Variants in SCN9A observed in about 807,000 individuals in gnomAD.
SCN9A encodes the protein sodium channel protein type 9 subunit alpha.
A neutral mutation model predicts 187.0 loss-of-function variants in SCN9A; 131 were observed. That is an observed-to-expected ratio of 0.70 (90% CI 0.61 to 0.81). SCN9A has a LOEUF of 0.81. Among genes scored for constraint, SCN9A ranks in the 30% least tolerant of loss-of-function variants. The pLI is 0.00. For synonymous variants in SCN9A, 809 were observed against 808.6 expected, an observed-to-expected ratio of 1.00 and a Z score of -0.01; for missense variants, 2,252 against 2,396.6, an observed-to-expected ratio of 0.94 and a Z score of 1.26.
intron 10 of SCN9A, among the ~76,000 whole-genome samples, chr2:166,287,062 A>C (rs111320755): frequency 2.6e-5 from 4 of 152,294 alleles, no homozygotes; most frequent in African/African-American, 9.6e-5. Context: ...GAATTATTAA[A>C]GCATAATATT....
chr2:166,367,260 AT>A (rs565234556), intron 1 of SCN9A, among the ~76,000 whole-genome samples: 195 of 151,876 alleles, frequency 1.3e-3, no homozygotes, highest in African/African-American at 4.5e-3. Flanking sequence ...CATCCTAGAC[AT>A]TTTTTTAATT....
At chr2:166,238,851 C>T (rs1695436549) in intron 19 of SCN9A, among the ~76,000 whole-genome samples, 1 of 152,194 alleles carries the variant, frequency 6.6e-6, no homozygotes, top group Admixed American at 6.6e-5. Flanking sequence ...ATATATTATC[C>T]TTCAAAGCTT....
chr2:166,375,868 C>A lies in SCN9A; in HGVS notation c.-222G>T, dbSNP rs1404999269. The A allele has an allele frequency of 6.6e-6, 1 of 152,230 alleles. No homozygotes were observed. The highest frequency in any genetic ancestry group is 1.5e-5 in the Non-Finnish European group (1 of 68,064). The allele number at this position is 152,230 out of a possible 1,614,324, so 9.4% of individuals were successfully genotyped here. ...AGCAGCCACTGGCACCCAGGCTAGC[C>A]CAGCCTCAGCCGAGCTGGCGGAATT... On this transcript the variant is annotated 5_prime_UTR_variant, in exon 1 of 27. Transcript: ENST00000642356.
chr2:166,279,394 A>C (rs1011854571), intron 14 of SCN9A, among the ~76,000 whole-genome samples: 1 of 152,186 alleles, frequency 6.6e-6, no homozygotes, highest in Non-Finnish European at 1.5e-5. Context: ...TTCATGGTTT[A>C]TGAAGAGTCA....
At chr2:166,314,119 T>C (rs1699047630) in intron 1 of SCN9A, among the ~76,000 whole-genome samples, 1 of 152,126 alleles carries the variant, frequency 6.6e-6, no homozygotes, top group South Asian at 2.1e-4. Flanking sequence ...ACAGTAATAA[T>C]TAAATAATGG....
At chr2:166,211,087 C>T (rs139770266) in intron 24 of SCN9A, among the ~76,000 whole-genome samples, 3 of 151,358 alleles carry the variant, frequency 2.0e-5, no homozygotes, top group African/African-American at 7.3e-5. Flanking sequence ...AAAGTCTCCA[C>T]TAGAGACATA....
chr2:166,288,120 T>TACACACACACAC (rs367909573), intron 10 of SCN9A, among the ~76,000 whole-genome samples: 8 of 135,562 alleles, frequency 5.9e-5, no homozygotes, highest in African/African-American at 2.2e-4. Context: ...TATATATATA[T>TACACACACACAC]ACACACACAT....
intron 24 of SCN9A, among the ~76,000 whole-genome samples, chr2:166,206,035 G>C (rs1345767006): frequency 6.6e-6 from 1 of 152,192 alleles, no homozygotes; most frequent in Non-Finnish European, 1.5e-5. Context: ...AGAGGATGTG[G>C]AGAAATAGCA....
intron 17 of SCN9A, among the ~76,000 whole-genome samples, chr2:166,255,808 G>T (rs1696246474): frequency 6.6e-6 from 1 of 150,944 alleles, no homozygotes; most frequent in Admixed American, 6.7e-5. Flanking sequence ...GGAGGAGATG[G>T]GTATAAAAGA....
At chr2:166,299,089 G>C (rs55957549) in intron 7 of SCN9A, among the ~76,000 whole-genome samples, 1,687 of 152,036 alleles carry the variant, frequency 0.011, 12 homozygotes, top group Non-Finnish European at 0.016. Context: ...TGGAGCTGTC[G>C]CTCCCCTTTA....
chr2:166,285,179 A>G (rs1697683754), intron 11 of SCN9A, among the ~76,000 whole-genome samples: 1 of 152,316 alleles, frequency 6.6e-6, no homozygotes, highest in African/African-American at 2.4e-5. Flanking sequence ...AACTTTTTAT[A>G]TATCAATCCC....
intron 1 of SCN9A, among the ~76,000 whole-genome samples, chr2:166,327,504 C>A (rs1303971459): frequency 6.6e-6 from 1 of 152,118 alleles, no homozygotes; most frequent in East Asian, 1.9e-4. Flanking sequence ...TTATCTTACT[C>A]TTCCCCTAGT....
chr2:166,263,447 A>G (rs1265016742), intron 17 of SCN9A, among the ~76,000 whole-genome samples: 7 of 151,940 alleles, frequency 4.6e-5, no homozygotes, highest in African/African-American at 9.7e-5. Flanking sequence ...CTTAAGATTT[A>G]TCTTTCCATA....
intron 26 of SCN9A, among the ~76,000 whole-genome samples, chr2:166,200,794 C>A (rs1223587911): frequency 6.6e-6 from 1 of 152,140 alleles, no homozygotes; most frequent in Non-Finnish European, 1.5e-5. Context: ...CGCCACCACA[C>A]CTGGTTAATT....
At chr2:166,346,262 A>T (rs16851968) in intron 1 of SCN9A, among the ~76,000 whole-genome samples, 31,276 of 152,102 alleles carry the variant, frequency 0.21, 4,028 homozygotes, top group African/African-American at 0.36. Context: ...AAGTCTTCTC[A>T]TTATTTAGGT....
intron 21 of SCN9A, 118 bp downstream of exon 21, chr2:166,233,216 CATACAT>C: frequency 1.7e-6 from 1 of 588,630 alleles, no homozygotes; most frequent in East Asian, 3.4e-5. Context: ...TGTACACACA[CATACAT>C]AAACAGCCTA....
chr2:166,363,127 C>T (rs904303833), intron 1 of SCN9A, among the ~76,000 whole-genome samples: 1 of 151,944 alleles, frequency 6.6e-6, no homozygotes, highest in African/African-American at 2.4e-5. Flanking sequence ...TCTGAAAACA[C>T]TTTAACAAAA....
intron 10 of SCN9A, among the ~76,000 whole-genome samples, chr2:166,287,524 G>T (rs1459566593): frequency 1.3e-5 from 2 of 151,962 alleles, no homozygotes; most frequent in Admixed American, 1.3e-4. Context: ...ATGCTGCACT[G>T]AATATTTGTG....
intron 7 of SCN9A, among the ~76,000 whole-genome samples, chr2:166,297,289 T>C (rs1698360197): frequency 6.7e-6 from 1 of 149,078 alleles, no homozygotes; most frequent in Admixed American, 6.7e-5. Context: ...TGAAAATGTA[T>C]TTCCACAAAA....
Sources: allele counts gnomAD v4.1 joint callset (sites outside exome capture counted in the v4.1 genomes callset), GRCh38; gene constraint gnomAD v4.1.1; transcripts MANE v1.5; gene names NCBI Gene and HGNC (gene_info 2026-07-23, HGNC 2026-07-21).